Variants in ANO4 observed in about 807,000 individuals in gnomAD.
ANO4 encodes anoctamin 4.
ANO4 carries 69 observed loss-of-function variants against 141.9 expected under a neutral mutation model. The observed-to-expected ratio is 0.49, with a 90% confidence interval of 0.40 to 0.59. The LOEUF is 0.59. Ranked by LOEUF, ANO4 falls within the 20% of genes least tolerant of loss-of-function variation. ANO4 has a pLI of 0.00. For missense variants in ANO4, 894 were observed against 1,162.2 expected (o/e 0.77, Z 3.36); for synonymous variants, 350 against 394.3 (o/e 0.89, Z 1.33).
rs938357510 is a variant in ANO4 at position 100,750,119 on chromosome 12, C to CTT, written c.358+10024_358+10025dup. On this transcript the variant is annotated intron_variant, in intron 3 of 29. Coordinates refer to the ANO4 transcript ENST00000644049. ...CAAGGGGTAGTGAGATTCTGCATTT[C>CTT]TTTTTTTTTTTCTTTTTTCTTTTTC... 4.1e-5 allele frequency among the ~76,000 whole-genome samples: 6 copies of CTT among 147,596 alleles called. No homozygotes were observed. In the East Asian group the frequency reaches 1.2e-3, roughly 30 times the overall value.
At chr12:100,886,953 T>C (rs1386453742) in intron 1 of ANO4, among the ~76,000 whole-genome samples, 1 of 152,242 alleles carries the variant, frequency 6.6e-6, no homozygotes, top group Non-Finnish European at 1.5e-5. Flanking sequence ...CTTGTAGACA[T>C]AGATTCTGCC....
intron 1 of ANO4, among the ~76,000 whole-genome samples, chr12:100,797,736 A>T (rs988506594): frequency 3.9e-5 from 6 of 152,068 alleles, no homozygotes; most frequent in Admixed American, 2.6e-4. Flanking sequence ...TGAAACTTGC[A>T]GCTTAAATTA....
chr12:100,961,581 C>T (rs1051682554), intron 5 of ANO4, among the ~76,000 whole-genome samples: 5 of 152,078 alleles, frequency 3.3e-5, no homozygotes, highest in Admixed American at 6.5e-5. Flanking sequence ...TTAAAATATT[C>T]GGGAGCTACA....
chr12:100,717,717 T>G (rs975959364), intron 1 of ANO4, among the ~76,000 whole-genome samples: 2 of 152,188 alleles, frequency 1.3e-5, no homozygotes, highest in African/African-American at 4.8e-5. Flanking sequence ...TCCGCGGGGT[T>G]TCGGGCCGCG....
intron 1 of ANO4, among the ~76,000 whole-genome samples, chr12:100,806,523 CGTTTTTTTTTTTTTTTTTTTT>C (rs2035044040): frequency 1.6e-4 from 7 of 44,982 alleles, no homozygotes; most frequent in South Asian, 9.5e-4. Flanking sequence ...TTTTTTGTTT[CGTTTTTTTTTTTTTTTTTTTT>C]TTTTTTTTTT....
At chr12:100,826,394 G>C (rs1036125098) in intron 1 of ANO4, among the ~76,000 whole-genome samples, 4 of 152,082 alleles carry the variant, frequency 2.6e-5, no homozygotes, top group African/African-American at 9.6e-5. Context: ...CTAACAAAAT[G>C]TCTACAAAAA....
At chr12:100,855,502 A>G (rs1364469600) in intron 1 of ANO4, among the ~76,000 whole-genome samples, 1 of 152,070 alleles carries the variant, frequency 6.6e-6, no homozygotes, top group Non-Finnish European at 1.5e-5. Context: ...TTTTGCCCGT[A>G]TTTCTTTGTA....
rs575515553 is a variant in ANO4 at position 101,017,784 on chromosome 12, T to C, written c.735-2250T>C. Among the ~76,000 whole-genome samples, 9 of 152,318 alleles carry C rather than the reference T, an allele frequency of 5.9e-5. No individual in the cohort carries two copies. In the East Asian group the frequency reaches 1.2e-3, roughly 20 times the overall value. On this transcript the variant is annotated intron_variant, in intron 8 of 27. Coordinates refer to ENST00000392977, the MANE Select transcript of ANO4 (RefSeq NM_001286615.2). ...ATGTGGCTAATAAGTACTACTTCCC[T>C]TATGGGTTGAAATAGGGATTGAATA...
intron 1 of ANO4, among the ~76,000 whole-genome samples, chr12:100,728,825 T>G (rs1049436734): frequency 7.2e-5 from 11 of 152,142 alleles, no homozygotes; most frequent in Non-Finnish European, 1.6e-4. Flanking sequence ...AAAGTTATAG[T>G]GAACTATAAT....
intron 1 of ANO4, among the ~76,000 whole-genome samples, chr12:100,842,848 G>A (rs2037352169): frequency 6.6e-6 from 1 of 152,062 alleles, no homozygotes; most frequent in Non-Finnish European, 1.5e-5. Flanking sequence ...ACCTCCTAAA[G>A]GCCCCACCTC....
chr12:100,823,982 A>G (rs2036196679), intron 1 of ANO4, among the ~76,000 whole-genome samples: 1 of 152,062 alleles, frequency 6.6e-6, no homozygotes, highest in African/African-American at 2.4e-5. Context: ...AATGCTACAA[A>G]TCTTATTTAT....
At chr12:100,752,931 T>C (rs1479221544) in intron 3 of ANO4, among the ~76,000 whole-genome samples, 2 of 152,232 alleles carry the variant, frequency 1.3e-5, no homozygotes, top group Non-Finnish European at 2.9e-5. Flanking sequence ...GCCAGAGCTC[T>C]GCTGATCTTG....
At chr12:101,109,227 A>C (rs2050566239) in intron 22 of ANO4, among the ~76,000 whole-genome samples, 1 of 152,170 alleles carries the variant, frequency 6.6e-6, no homozygotes, top group Non-Finnish European at 1.5e-5. Context: ...TAACATCATT[A>C]TGTCTTGTTA....
intron 1 of ANO4, among the ~76,000 whole-genome samples, chr12:100,892,153 A>G (rs1173765762): frequency 1.3e-5 from 2 of 152,078 alleles, no homozygotes; most frequent in Non-Finnish European, 1.5e-5. Flanking sequence ...CAATTTTTCC[A>G]TTGATAGATA....
At chr12:100,750,359 G>A (rs1472837227) in intron 3 of ANO4, among the ~76,000 whole-genome samples, 2 of 149,346 alleles carry the variant, frequency 1.3e-5, no homozygotes, top group African/African-American at 5.0e-5. Context: ...GGCCAGGCTA[G>A]TCTTGAACTC....
At chr12:100,901,988 C>G (rs2040615402) in intron 2 of ANO4, 148 bp downstream of exon 2, 1 of 759,954 alleles carries the variant, frequency 1.3e-6, no homozygotes, top group Non-Finnish European at 2.1e-6. Context: ...CTGCTCACCT[C>G]AGTCAATGGT....
chr12:101,053,028 G>A (rs553050726), intron 14 of ANO4, among the ~76,000 whole-genome samples: 15 of 152,304 alleles, frequency 9.8e-5, no homozygotes, highest in African/African-American at 3.6e-4. Flanking sequence ...TCTGTGAAGT[G>A]TGTCAATTAA....
At chr12:101,015,593 A>G (rs2046284401) in intron 8 of ANO4, among the ~76,000 whole-genome samples, 2 of 152,222 alleles carry the variant, frequency 1.3e-5, no homozygotes, top group South Asian at 4.1e-4. Flanking sequence ...GTCACTTTGC[A>G]CACGGGTAAG....
At chr12:101,106,994 C>T (rs1037310094) in intron 22 of ANO4, among the ~76,000 whole-genome samples, 4 of 151,532 alleles carry the variant, frequency 2.6e-5, no homozygotes, top group African/African-American at 9.7e-5. Flanking sequence ...TGGTTTTAGG[C>T]CATAATATTT....
Sources: gnomAD v4.1 joint callset for allele counts (sites outside exome capture counted in the v4.1 genomes callset) on GRCh38, gnomAD v4.1.1 for gene constraint, MANE v1.5 for transcripts, NCBI Gene and HGNC (gene_info 2026-07-23, HGNC 2026-07-21) for gene names.